The following ASTN2 variants were observed in gnomAD, a reference collection of about 807,000 sequenced individuals.
The protein encoded by ASTN2 is astrotactin 2.
A neutral mutation model predicts 139.8 loss-of-function variants in ASTN2; 54 were observed. That is an observed-to-expected ratio of 0.39 (90% CI 0.31 to 0.48). The LOEUF is 0.48. Ranked by LOEUF, ASTN2 falls within the 20% of genes least tolerant of loss-of-function variation. The pLI, the probability that ASTN2 is intolerant of heterozygous loss-of-function variation, is 0.95. For synonymous variants in ASTN2, 756 were observed against 719.5 expected, an observed-to-expected ratio of 1.05 and a Z score of -0.81; for missense variants, 1,565 against 1,725.1, an observed-to-expected ratio of 0.91 and a Z score of 1.64.
At chr9:116,999,089 T>C (rs1194863775) in intron 7 of ASTN2, among the ~76,000 whole-genome samples, 2 of 152,216 alleles carry the variant, frequency 1.3e-5, no homozygotes, top group African/African-American at 2.4e-5. Context: ...ATAAACTGAA[T>C]GTAATGGTGA....
chr9:116,600,744 C>T (rs762661369), intron 19 of ASTN2, among the ~76,000 whole-genome samples: 7 of 152,110 alleles, frequency 4.6e-5, no homozygotes, highest in Non-Finnish European at 7.3e-5. Context: ...CCTATAGTCC[C>T]TTCTTTTTAA....
At chr9:116,596,057 GA>G (rs1390628899) in intron 19 of ASTN2, among the ~76,000 whole-genome samples, 2 of 152,098 alleles carry the variant, frequency 1.3e-5, no homozygotes, top group African/African-American at 4.8e-5. Context: ...AATGGATGAA[GA>G]AAACATGGTA....
At chr9:117,287,533 G>A (rs955449627) in intron 2 of ASTN2, among the ~76,000 whole-genome samples, 5 of 152,160 alleles carry the variant, frequency 3.3e-5, no homozygotes, top group Admixed American at 6.6e-5. Flanking sequence ...TCAATGTCAC[G>A]TAGATAGGTA....
chr9:117,357,917 C>T (rs953728220), intron 1 of ASTN2, among the ~76,000 whole-genome samples: 2 of 152,116 alleles, frequency 1.3e-5, no homozygotes, highest in African/African-American at 2.4e-5. Flanking sequence ...ATTGTAGAAA[C>T]AGCTAAATCA....
chr9:117,338,865 G>A (rs899526597), intron 1 of ASTN2, among the ~76,000 whole-genome samples: 1 of 152,116 alleles, frequency 6.6e-6, no homozygotes, highest in African/African-American at 2.4e-5. Flanking sequence ...CCTGTCCATG[G>A]GAACTCTCTT....
intron 2 of ASTN2, among the ~76,000 whole-genome samples, chr9:117,263,358 G>A (rs1271852413): frequency 2.6e-5 from 4 of 151,972 alleles, no homozygotes; most frequent in Non-Finnish European, 1.5e-5. Context: ...TCAGTTTCTG[G>A]GAGAAATAAA....
chr9:116,562,941 C>G lies in ASTN2; in HGVS notation c.3355+55383G>C, dbSNP rs149839854. Among the ~76,000 whole-genome samples, 4 of 152,042 alleles carry G rather than the reference C, an allele frequency of 2.6e-5. 1 individual carries two copies. Among genetic ancestry groups the G allele is most frequent in the Non-Finnish European group, 5.9e-5 (4 of 68,028 alleles). On this transcript the variant is annotated intron_variant, in intron 19 of 22. Transcript: ENST00000313400. Reference sequence around the variant, plus strand: ...GAAAGTATGCTTGGTCTTAAAGACACAGAGGTGACCAAGAGAGGCATAAGC... The same window carrying G: ...GAAAGTATGCTTGGTCTTAAAGACAGAGAGGTGACCAAGAGAGGCATAAGC...
chr9:116,738,386 A>G (rs151195445), intron 13 of ASTN2, among the ~76,000 whole-genome samples: 2,570 of 151,798 alleles, frequency 0.017, 79 homozygotes, highest in African/African-American at 0.059. Flanking sequence ...CTGTAATCCC[A>G]GCTACTCGGG....
chr9:116,943,331 G>A (rs1405690431), intron 10 of ASTN2, among the ~76,000 whole-genome samples: 1 of 152,166 alleles, frequency 6.6e-6, no homozygotes, highest in East Asian at 1.9e-4. Flanking sequence ...AAGAGACACA[G>A]ATACTCATTC....
chr9:116,891,492 T>C (rs1833759797), intron 10 of ASTN2, among the ~76,000 whole-genome samples: 1 of 152,236 alleles, frequency 6.6e-6, no homozygotes, highest in Non-Finnish European at 1.5e-5. Flanking sequence ...CCCAACTGTG[T>C]AAAGCAGCAA....
intron 11 of ASTN2, among the ~76,000 whole-genome samples, chr9:116,858,861 T>G (rs1052171504): frequency 6.6e-6 from 1 of 152,220 alleles, no homozygotes; most frequent in Non-Finnish European, 1.5e-5. Context: ...TATCAGTATT[T>G]TATTGCTATT....
chr9:116,876,965 A>G (rs1171842248), intron 10 of ASTN2, among the ~76,000 whole-genome samples: 2 of 152,194 alleles, frequency 1.3e-5, no homozygotes, highest in African/African-American at 2.4e-5. Context: ...GAGCAAAACA[A>G]ACATGTGCTT....
chr9:116,774,242 G>A (rs1038291462), intron 13 of ASTN2, among the ~76,000 whole-genome samples: 1 of 152,074 alleles, frequency 6.6e-6, no homozygotes, highest in Admixed American at 6.5e-5. Flanking sequence ...TTGTACATGA[G>A]GACTCTGGAG....
At chr9:116,548,627 T>C (rs12000874) in intron 19 of ASTN2, among the ~76,000 whole-genome samples, 6,780 of 152,120 alleles carry the variant, frequency 0.045, 541 homozygotes, top group African/African-American at 0.15. Flanking sequence ...TGCCCCCCAC[T>C]ATGCTCGGCT....
intron 19 of ASTN2, 93 bp downstream of exon 19, chr9:116,618,231 G>A: frequency 2.2e-6 from 3 of 1,363,128 alleles, no homozygotes; most frequent in Non-Finnish European, 3.0e-6. Context: ...GCCTTCCCAA[G>A]ACAGATGAGA....
intron 10 of ASTN2, among the ~76,000 whole-genome samples, chr9:116,932,494 C>T (rs1221180154): frequency 1.3e-5 from 2 of 152,158 alleles, no homozygotes; most frequent in Non-Finnish European, 1.5e-5. Flanking sequence ...CTCCAGGTTT[C>T]CTCCTTCAGA....
intron 3 of ASTN2, among the ~76,000 whole-genome samples, chr9:117,210,533 A>G (rs1377917917): frequency 1.3e-5 from 2 of 152,180 alleles, no homozygotes; most frequent in East Asian, 1.9e-4. Context: ...TTAACAGACC[A>G]AAACAAGTAA....
chr9:116,744,719 T>C (rs1829188302), intron 13 of ASTN2, among the ~76,000 whole-genome samples: 1 of 152,132 alleles, frequency 6.6e-6, no homozygotes, highest in South Asian at 2.1e-4. Context: ...GCCTCCCCAG[T>C]ATTTGCTTAT....
rs567447870 is a variant in ASTN2 at position 116,985,140 on chromosome 9, C to A, written c.1592-8355G>T. On this transcript the variant is annotated intron_variant, in intron 7 of 22. Transcript: ENST00000313400. ...CTATCTGTACAGTGAGGAGGCTGGT[C>A]TTGACATCTGAGCAACTTCACATGG... Among the ~76,000 whole-genome samples the A allele has an allele frequency of 2.0e-5, 3 of 152,288 alleles. No homozygotes were observed. The South Asian group carries it at 6.2e-4, about 32-fold the overall frequency.
Sources: allele counts gnomAD v4.1 joint callset (sites outside exome capture counted in the v4.1 genomes callset), GRCh38; gene constraint gnomAD v4.1.1; transcripts MANE v1.5; gene names NCBI Gene and HGNC (gene_info 2026-07-23, HGNC 2026-07-21).